NCOA2: variants seen among roughly 807,000 people sequenced by gnomAD.
NCOA2 encodes the protein nuclear receptor coactivator 2.
In NCOA2, 21 loss-of-function variants were observed where a neutral mutation model predicts 145.1. The observed-to-expected ratio is 0.14, with a 90% CI of 0.10 to 0.21. The LOEUF (loss-of-function observed/expected upper bound fraction) is 0.21. Ranked by LOEUF, NCOA2 falls within the 10% of genes least tolerant of loss-of-function variation. The pLI, the probability that NCOA2 is intolerant of heterozygous loss-of-function variation, is 1.00. For missense variants in NCOA2, 1,472 were observed against 1,837.6 expected, an observed-to-expected ratio of 0.80 and a Z score of 3.64; for synonymous variants, 619 against 637.5, an observed-to-expected ratio of 0.97 and a Z score of 0.44.
chr8:70,331,309 A>G (rs576998161), intron 1 of NCOA2, among the ~76,000 whole-genome samples: 1 of 152,270 alleles, frequency 6.6e-6, no homozygotes, highest in South Asian at 2.1e-4. Flanking sequence ...CATAATCAGA[A>G]AAGTAATCAT....
At chr8:70,120,935 T>C (rs1807733017) in intron 22 of NCOA2, among the ~76,000 whole-genome samples, 1 of 152,154 alleles carries the variant, frequency 6.6e-6, no homozygotes, top group Non-Finnish European at 1.5e-5. Context: ...AATTCAGAAA[T>C]AGCAAAAATA....
the NCOA2 span, among the ~76,000 whole-genome samples, chr8:70,452,749 C>G: frequency 3.3e-5 from 5 of 149,486 alleles, no homozygotes; most frequent in African/African-American, 1.2e-4. Flanking sequence ...AAAGCCAACA[C>G]CAAAAATCTA....
intron 2 of NCOA2, among the ~76,000 whole-genome samples, chr8:70,261,456 C>T (rs949570695): frequency 2.7e-5 from 4 of 150,692 alleles, no homozygotes; most frequent in Non-Finnish European, 4.4e-5. Context: ...TGGGGGGAGG[C>T]GGGAGGGATA....
intron 1 of NCOA2, among the ~76,000 whole-genome samples, chr8:70,386,942 ACT>A (rs202122572): frequency 0.014 from 2,144 of 151,992 alleles, 64 homozygotes; most frequent in African/African-American, 0.049. Context: ...TGGGAGTCTG[ACT>A]CTGTCGCCCA....
chr8:70,127,844 C>G (rs1808614649), intron 18 of NCOA2, among the ~76,000 whole-genome samples: 1 of 152,220 alleles, frequency 6.6e-6, no homozygotes, highest in Non-Finnish European at 1.5e-5. Flanking sequence ...GGTTTCAGCT[C>G]TCATACTGTA....
chr8:70,141,789 T>TGA (rs2131836921), intron 13 of NCOA2, among the ~76,000 whole-genome samples: 1 of 152,326 alleles, frequency 6.6e-6, no homozygotes, highest in South Asian at 2.1e-4. Flanking sequence ...TAAAAACTGA[T>TGA]AATCAATACT....
intron 4 of NCOA2, among the ~76,000 whole-genome samples, chr8:70,200,257 T>C (rs1367909680): frequency 6.6e-6 from 1 of 152,046 alleles, no homozygotes; most frequent in Non-Finnish European, 1.5e-5. Flanking sequence ...AAAATATGTA[T>C]ATTTATTTAT....
At chr8:70,198,066 G>A (rs1817523120) in intron 4 of NCOA2, among the ~76,000 whole-genome samples, 2 of 152,120 alleles carry the variant, frequency 1.3e-5, no homozygotes, top group Admixed American at 6.5e-5. Context: ...CTCCCAAAGT[G>A]TTGGAATAAC....
At chr8:70,313,019 A>G (rs959813942) in intron 1 of NCOA2, among the ~76,000 whole-genome samples, 6 of 152,224 alleles carry the variant, frequency 3.9e-5, no homozygotes, top group African/African-American at 1.4e-4. Context: ...GAGAAATAAC[A>G]TTTGAATCCA....
At chr8:70,345,432 A>G (rs1472721438) in intron 1 of NCOA2, among the ~76,000 whole-genome samples, 2 of 152,196 alleles carry the variant, frequency 1.3e-5, no homozygotes, top group East Asian at 1.9e-4. Context: ...TCTCTTCACA[A>G]GGGGTCTGAG....
chr8:70,429,261 C>A, the NCOA2 span, among the ~76,000 whole-genome samples: 1 of 152,166 alleles, frequency 6.6e-6, no homozygotes, highest in Non-Finnish European at 1.5e-5. Context: ...GAGCACCAAC[C>A]TTCAAGATTG....
intron 1 of NCOA2, among the ~76,000 whole-genome samples, chr8:70,380,113 T>G (rs1300060663): frequency 1.3e-5 from 2 of 152,132 alleles, no homozygotes; most frequent in African/African-American, 4.8e-5. Context: ...AGGTTCTTAA[T>G]GTAAAAGGAA....
intron 4 of NCOA2, among the ~76,000 whole-genome samples, chr8:70,175,400 C>A (rs1743475115): frequency 6.6e-6 from 1 of 152,206 alleles, no homozygotes; most frequent in Admixed American, 6.5e-5. Flanking sequence ...AAGATTTGGT[C>A]CCTGACTTGT....
At position 70,265,828 on chromosome 8, in the gene NCOA2, T is replaced by C. The variant is rs553893551; in HGVS notation, c.-20+30916A>G. 9.3e-3 allele frequency among the ~76,000 whole-genome samples: 1,413 copies of C among 152,220 alleles called. 21 individuals are homozygous for C. Among genetic ancestry groups the C allele is most frequent in the African/African-American group, 0.032 (1,316 of 41,496 alleles). ...CTTCAGTTTTTTGTTGTTGTTGTTG[T>C]TGTTGTTTTGTTTGTTTTTTTAAAG... On this transcript the variant is annotated intron_variant, in intron 2 of 22. Coordinates refer to ENST00000452400, the MANE Select transcript of NCOA2 (RefSeq NM_006540.4).
intron 13 of NCOA2, among the ~76,000 whole-genome samples, chr8:70,143,153 T>A (rs1187261079): frequency 2.6e-5 from 4 of 152,206 alleles, no homozygotes; most frequent in African/African-American, 9.6e-5. Context: ...TTTCACCATG[T>A]TGGTCGGGAT....
intron 15 of NCOA2, among the ~76,000 whole-genome samples, chr8:70,133,067 G>GAGGGGTGTGT (rs2131606904): frequency 6.6e-6 from 1 of 151,070 alleles, no homozygotes; most frequent in African/African-American, 2.4e-5. Flanking sequence ...TAGAGTAGAG[G>GAGGGGTGTGT]AGGGGTGTGT....
At chr8:70,248,339 A>T (rs1353527055) in intron 2 of NCOA2, among the ~76,000 whole-genome samples, 1 of 152,090 alleles carries the variant, frequency 6.6e-6, no homozygotes, top group Non-Finnish European at 1.5e-5. Context: ...CACTTCCATC[A>T]CTCTGCAAAG....
At chr8:70,392,331 A>G (rs1813282441) in intron 1 of NCOA2, among the ~76,000 whole-genome samples, 1 of 152,254 alleles carries the variant, frequency 6.6e-6, no homozygotes, top group Admixed American at 6.5e-5. Flanking sequence ...CAGTGTTTCT[A>G]CGATTTAACG....
chr8:70,451,229 A>ATATATATATATATATAT, the NCOA2 span, among the ~76,000 whole-genome samples: 3 of 114,176 alleles, frequency 2.6e-5, no homozygotes, highest in African/African-American at 1.1e-4. Flanking sequence ...AAAAAAAAAA[A>ATATATATATATATATAT]AAAAAAAAAT....
Sources: allele counts gnomAD v4.1 joint callset (sites outside exome capture counted in the v4.1 genomes callset), GRCh38; gene constraint gnomAD v4.1.1; transcripts MANE v1.5; gene names NCBI Gene and HGNC (gene_info 2026-07-23, HGNC 2026-07-21).